KCNIP4: variants seen among roughly 807,000 people sequenced by gnomAD.
The protein encoded by KCNIP4 is Kv channel-interacting protein 4.
KCNIP4 carries 12 observed loss-of-function variants against 34.0 expected under a neutral mutation model. The observed-to-expected ratio is 0.35, with a 90% CI of 0.23 to 0.57. KCNIP4 has a LOEUF of 0.57. Ranked by LOEUF, KCNIP4 falls within the 20% of genes least tolerant of loss-of-function variation. The pLI, the probability that KCNIP4 is intolerant of heterozygous loss-of-function variation, is 0.83. For synonymous variants in KCNIP4, 124 were observed against 102.2 expected (o/e 1.21, Z -1.29); for missense variants, 238 against 311.7 (o/e 0.76, Z 1.78).
chr4:21,573,512 A>AT (rs1055744822), intron 1 of KCNIP4, among the ~76,000 whole-genome samples: 26 of 151,532 alleles, frequency 1.7e-4, no homozygotes, highest in Middle Eastern at 6.8e-3. Flanking sequence ...CTTGGGATTT[A>AT]TTTTTTTTCT....
chr4:21,104,904 T>C (rs1167704570), intron 1 of KCNIP4, among the ~76,000 whole-genome samples: 1 of 151,640 alleles, frequency 6.6e-6, no homozygotes, highest in Non-Finnish European at 1.5e-5. Context: ...CAGATGGTTG[T>C]AGATGTGTGG....
chr4:21,390,060 G>A (rs193203887), intron 1 of KCNIP4, among the ~76,000 whole-genome samples: 343 of 150,266 alleles, frequency 2.3e-3, no homozygotes, highest in Middle Eastern at 0.017. Context: ...CAGTGATGAT[G>A]AGCATTTTTT....
In KCNIP4 at chr4:20,744,272, G is replaced by A. The variant is rs181046574; in HGVS notation, c.429+5390C>T. Among the ~76,000 whole-genome samples, 596 of 152,280 alleles carry A rather than the reference G, an allele frequency of 3.9e-3. 6 individuals carry two copies. The highest frequency in any genetic ancestry group is 0.013 in the African/African-American group (559 of 41,544). On this transcript the variant is annotated intron_variant, in intron 5 of 8. Coordinates refer to ENST00000382152, the MANE Select transcript of KCNIP4 (RefSeq NM_025221.6). ...TCCCATTACTGGGTATACACCCAAA[G>A]GATTATAAATCATGCTGCTTTAAAG...
At chr4:20,973,040 T>C (rs1427213354) in intron 1 of KCNIP4, among the ~76,000 whole-genome samples, 2 of 152,166 alleles carry the variant, frequency 1.3e-5, no homozygotes, top group African/African-American at 2.4e-5. Context: ...AAATGAGTAC[T>C]GGCTTCAACT....
chr4:20,958,389 G>A (rs1005203766), intron 1 of KCNIP4, among the ~76,000 whole-genome samples: 1 of 152,168 alleles, frequency 6.6e-6, no homozygotes, highest in African/African-American at 2.4e-5. Context: ...AAGTCAAAGG[G>A]CAATAGAAAC....
rs1283288219 is a variant in KCNIP4, at chr4:21,888,117, A to AAATTAAGGC, written c.61+60445_61+60453dup. 2.0e-5 allele frequency among the ~76,000 whole-genome samples: 3 copies of AAATTAAGGC among 152,172 alleles called. No individual in the cohort carries two copies. In the East Asian group the frequency reaches 5.8e-4, roughly 29 times the overall value. ...TATTATCACCGCTTTACAGAGAAGA[A>AAATTAAGGC]AATTAAGGCAGAGAGAAGTTAAGTG... On this transcript the variant is annotated intron_variant, in intron 1 of 8. Coordinates refer to ENST00000382152, the MANE Select transcript of KCNIP4 (RefSeq NM_025221.6).
At chr4:21,182,182 G>GC (rs1754888981) in intron 1 of KCNIP4, among the ~76,000 whole-genome samples, 1 of 152,130 alleles carries the variant, frequency 6.6e-6, no homozygotes, top group African/African-American at 2.4e-5. Flanking sequence ...CACATTAGAT[G>GC]CAGGATGCCT....
At chr4:21,775,148 G>T (rs28847579) in intron 1 of KCNIP4, among the ~76,000 whole-genome samples, 18,892 of 151,922 alleles carry the variant, frequency 0.12, 3,952 homozygotes, top group African/African-American at 0.43. Context: ...GCCTTTTTTT[G>T]GTTGGTGGTG....
chr4:21,636,239 A>C (rs1027365871), intron 1 of KCNIP4, among the ~76,000 whole-genome samples: 4 of 151,408 alleles, frequency 2.6e-5, no homozygotes, highest in Non-Finnish European at 2.9e-5. Context: ...ATGTATACAT[A>C]TGTAACTAAC....
intron 3 of KCNIP4, among the ~76,000 whole-genome samples, chr4:20,839,031 T>C (rs747544914): frequency 3.3e-5 from 5 of 152,164 alleles, no homozygotes; most frequent in Non-Finnish European, 7.3e-5. Context: ...TATGTTAGCT[T>C]CTGGAGGAAC....
chr4:21,663,536 G>A (rs1208793537), intron 1 of KCNIP4, among the ~76,000 whole-genome samples: 2 of 152,218 alleles, frequency 1.3e-5, no homozygotes, highest in African/African-American at 4.8e-5. Context: ...GTCTTCAATG[G>A]CTTAGGACTG....
intron 1 of KCNIP4, among the ~76,000 whole-genome samples, chr4:21,357,935 A>G (rs940010280): frequency 6.6e-6 from 1 of 152,228 alleles, no homozygotes; most frequent in Non-Finnish European, 1.5e-5. Flanking sequence ...TCCATCAATG[A>G]TAGACTGGAT....
At chr4:21,358,579 A>T (rs1317091534) in intron 1 of KCNIP4, among the ~76,000 whole-genome samples, 1 of 152,122 alleles carries the variant, frequency 6.6e-6, no homozygotes, top group African/African-American at 2.4e-5. Flanking sequence ...CCATAGGGTG[A>T]CCAGATTGAA....
At chr4:20,939,610 G>A (rs1731428134) in intron 1 of KCNIP4, among the ~76,000 whole-genome samples, 1 of 151,998 alleles carries the variant, frequency 6.6e-6, no homozygotes, top group South Asian at 2.1e-4. Flanking sequence ...TTGGCCTCAT[G>A]ATCCGCCCGC....
chr4:21,116,626 G>C (rs529115213), intron 1 of KCNIP4, among the ~76,000 whole-genome samples: 1 of 151,976 alleles, frequency 6.6e-6, no homozygotes. Context: ...TCCTATATCT[G>C]GTTTATGGTT....
chr4:21,626,209 T>C (rs926096300), intron 1 of KCNIP4, among the ~76,000 whole-genome samples: 2 of 152,106 alleles, frequency 1.3e-5, no homozygotes, highest in African/African-American at 4.8e-5. Context: ...GAAGTTGTTA[T>C]AGAATGAATG....
In KCNIP4 at chr4:20,816,267, A is replaced by C. The variant is rs966614372; in HGVS notation, c.288+34276T>G. On this transcript the variant is annotated intron_variant, in intron 3 of 8. Coordinates refer to ENST00000382152, the MANE Select transcript of KCNIP4 (RefSeq NM_025221.6). ...AGACTCCATCTCAAAAAAAAAAAAA[A>C]AAACCTTTAAGTAGAAGGCAGAGCC... Among the ~76,000 whole-genome samples the C allele has an allele frequency of 3.3e-5, 5 of 152,082 alleles. No homozygotes were observed. The South Asian group carries it at 1.0e-3, about 32-fold the overall frequency.
chr4:21,381,809 C>A (rs993590383), intron 1 of KCNIP4, among the ~76,000 whole-genome samples: 1 of 152,104 alleles, frequency 6.6e-6, no homozygotes. Flanking sequence ...AACAGCTATT[C>A]ATTGAGGAGG....
At chr4:21,207,791 T>G (rs2108969282) in intron 1 of KCNIP4, among the ~76,000 whole-genome samples, 1 of 152,122 alleles carries the variant, frequency 6.6e-6, no homozygotes, top group East Asian at 1.9e-4. Flanking sequence ...CTTCTAAAAA[T>G]TATATTTACT....
Sources: gnomAD v4.1 joint callset for allele counts (sites outside exome capture counted in the v4.1 genomes callset) on GRCh38, gnomAD v4.1.1 for gene constraint, MANE v1.5 for transcripts, NCBI Gene and HGNC (gene_info 2026-07-23, HGNC 2026-07-21) for gene names.